Variants in RPH3A observed in about 807,000 individuals in gnomAD.
RPH3A encodes the protein rabphilin-3A.
A neutral mutation model predicts 102.2 loss-of-function variants in RPH3A; 48 were observed. That is an observed-to-expected ratio of 0.47 (90% CI 0.37 to 0.60). RPH3A has a LOEUF of 0.60. RPH3A is among the 20% of genes least tolerant of loss of function. The pLI is 0.00. For synonymous variants in RPH3A, 310 were observed against 324.3 expected, an observed-to-expected ratio of 0.96 and a Z score of 0.47; for missense variants, 781 against 910.1, an observed-to-expected ratio of 0.86 and a Z score of 1.83.
chr12:112,657,875 G>A lies in RPH3A; in HGVS notation c.-140+82556G>A, dbSNP rs146969812. On this transcript the variant is annotated intron_variant, in intron 1 of 21. Transcript: ENST00000543106. Reference sequence around the variant, plus strand: ...GCCTCACTGGGAAAGTGACATTTGAGCAAGGACCTGAAGAAGGGAGGGAGT... The same window carrying A: ...GCCTCACTGGGAAAGTGACATTTGAACAAGGACCTGAAGAAGGGAGGGAGT... Among the ~76,000 whole-genome samples the A allele has an allele frequency of 1.7e-3, 264 of 152,298 alleles. 2 individuals carry two copies. Among genetic ancestry groups the A allele is most frequent in the Non-Finnish European group, 3.5e-3 (240 of 68,032 alleles).
At chr12:112,599,501 A>G (rs1417866144) in intron 1 of RPH3A, among the ~76,000 whole-genome samples, 1 of 152,210 alleles carries the variant, frequency 6.6e-6, no homozygotes, top group African/African-American at 2.4e-5. Context: ...TCAAGTGTCC[A>G]GGGTTTGTAT....
At chr12:112,635,411 C>A (rs917561478) in intron 1 of RPH3A, among the ~76,000 whole-genome samples, 7 of 152,068 alleles carry the variant, frequency 4.6e-5, no homozygotes, top group African/African-American at 1.7e-4. Flanking sequence ...GCCTCAGTTT[C>A]TTTATTTGTA....
intron 1 of RPH3A, among the ~76,000 whole-genome samples, chr12:112,636,948 T>G (rs573670920): frequency 6.6e-6 from 1 of 152,248 alleles, no homozygotes; most frequent in African/African-American, 2.4e-5. Flanking sequence ...GCAGGGCAAC[T>G]GGAAGTAATG....
chr12:112,705,837 T>C (rs966721979), intron 1 of RPH3A, among the ~76,000 whole-genome samples: 1 of 152,212 alleles, frequency 6.6e-6, no homozygotes, highest in African/African-American at 2.4e-5. Context: ...ATCAACAGCA[T>C]GTTAAAATTT....
chr12:112,681,294 C>A lies in RPH3A; in HGVS notation c.-140+105975C>A, dbSNP rs2040224457. Among the ~76,000 whole-genome samples, 3 of 152,216 alleles carry A rather than the reference C, an allele frequency of 2.0e-5. No individual in the cohort carries two copies. In the South Asian group the frequency reaches 6.2e-4, roughly 32 times the overall value. On this transcript the variant is annotated intron_variant, in intron 1 of 21. Transcript: ENST00000543106. ...GGCCTGACTGCCCTTTGTGGCCTTC[C>A]CCCTGCATCTCTGCTTCAGATGTGC...
At chr12:112,710,131 C>T (rs567662916) in intron 1 of RPH3A, among the ~76,000 whole-genome samples, 13 of 152,210 alleles carry the variant, frequency 8.5e-5, no homozygotes, top group East Asian at 1.9e-4. Context: ...CCCGCCACTA[C>T]GCCCGGCTAA....
chr12:112,728,330 G>A (rs2040609371), intron 1 of RPH3A, among the ~76,000 whole-genome samples: 1 of 151,770 alleles, frequency 6.6e-6, no homozygotes. Context: ...TCTCTTTCAT[G>A]TTTTCATAGC....
chr12:112,709,653 T>C (rs1162605789), intron 1 of RPH3A, among the ~76,000 whole-genome samples: 1 of 152,192 alleles, frequency 6.6e-6, no homozygotes, highest in Admixed American at 6.5e-5. Flanking sequence ...TGCCAGGCAC[T>C]GTGCTATATA....
At chr12:112,830,465 C>G (rs990215676) in intron 3 of RPH3A, among the ~76,000 whole-genome samples, 2 of 152,070 alleles carry the variant, frequency 1.3e-5, no homozygotes, top group Admixed American at 1.3e-4. Context: ...AGGATATGCT[C>G]AATGAGTACA....
At chr12:112,866,920 T>C (rs569228737) in intron 7 of RPH3A, 80 bp downstream of exon 7, 3 of 1,046,890 alleles carry the variant, frequency 2.9e-6, no homozygotes, top group Admixed American at 2.0e-5. Flanking sequence ...GAGGTTTGTA[T>C]GAAAGGACCC....
chr12:112,809,383 T>A (rs552416790), intron 2 of RPH3A, among the ~76,000 whole-genome samples: 1 of 152,206 alleles, frequency 6.6e-6, no homozygotes, highest in South Asian at 2.1e-4. Flanking sequence ...ACAAGCATTT[T>A]AAAAGAACAT....
At chr12:112,598,708 A>G (rs1385893564) in intron 1 of RPH3A, among the ~76,000 whole-genome samples, 1 of 152,192 alleles carries the variant, frequency 6.6e-6, no homozygotes, top group Non-Finnish European at 1.5e-5. Context: ...AGCACCTGGC[A>G]TGTCGTAAGT....
At chr12:112,833,752 C>G (rs1436952323) in intron 3 of RPH3A, among the ~76,000 whole-genome samples, 1 of 147,646 alleles carries the variant, frequency 6.8e-6, no homozygotes, top group Non-Finnish European at 1.5e-5. Context: ...TTTTTAAAGA[C>G]AGTGTCTCAC....
At chr12:112,851,395 G>A (rs1297547933) in intron 5 of RPH3A, among the ~76,000 whole-genome samples, 1 of 152,158 alleles carries the variant, frequency 6.6e-6, no homozygotes, top group Non-Finnish European at 1.5e-5. Flanking sequence ...TAATTACTCA[G>A]GTTTGGAGGG....
At chr12:112,690,771 G>A (rs1021279607) in intron 1 of RPH3A, among the ~76,000 whole-genome samples, 4 of 152,130 alleles carry the variant, frequency 2.6e-5, no homozygotes, top group Non-Finnish European at 4.4e-5. Context: ...TCCACTTGCC[G>A]TATGTATACA....
chr12:112,708,211 G>A lies in RPH3A; in HGVS notation c.-139-83932G>A, dbSNP rs1488141920. ...TCCATAAGTAGCTACAGGGAAGTAG[G>A]TCAAATGGCAACCTGATCAATGCCC... On this transcript the variant is annotated intron_variant, in intron 1 of 21. Transcript: ENST00000543106. Among the ~76,000 whole-genome samples, 8 of 152,172 alleles carry A rather than the reference G, an allele frequency of 5.3e-5. No individual in the cohort carries two copies. The East Asian group carries it at 1.5e-3, about 29-fold the overall frequency.
chr12:112,577,421 G>GTAATTAGCGTA (rs1440562201), intron 1 of RPH3A, among the ~76,000 whole-genome samples: 5 of 152,136 alleles, frequency 3.3e-5, no homozygotes, highest in African/African-American at 9.7e-5. Flanking sequence ...TCTTAGCATG[G>GTAATTAGCGTA]TAATGCATTG....
At chr12:112,624,480 C>T (rs535051511) in intron 1 of RPH3A, among the ~76,000 whole-genome samples, 16 of 148,992 alleles carry the variant, frequency 1.1e-4, no homozygotes, top group African/African-American at 3.9e-4. Flanking sequence ...TTCCTCAACA[C>T]ATACACTCTC....
At chr12:112,767,846 T>G (rs1430050023) in intron 1 of RPH3A, among the ~76,000 whole-genome samples, 2 of 152,050 alleles carry the variant, frequency 1.3e-5, no homozygotes, top group African/African-American at 4.8e-5. Context: ...TCATGCTAAG[T>G]GAAAGAAACC....
Sources: gnomAD v4.1 joint callset for allele counts (sites outside exome capture counted in the v4.1 genomes callset) on GRCh38, gnomAD v4.1.1 for gene constraint, MANE v1.5 for transcripts, NCBI Gene and HGNC (gene_info 2026-07-23, HGNC 2026-07-21) for gene names.